ZNF707: variants seen among roughly 807,000 people sequenced by gnomAD.
The protein encoded by ZNF707 is zinc finger protein 707.
In ZNF707, 8 loss-of-function variants were observed where a neutral mutation model predicts 13.3. The observed-to-expected ratio is 0.60, with a 90% CI of 0.35 to 1.09. ZNF707 has a LOEUF of 1.09. Among genes scored for constraint, ZNF707 ranks in the 50% least tolerant of loss-of-function variants. The pLI is 0.02. For missense variants in ZNF707, 530 were observed against 512.6 expected (o/e 1.03, Z -0.33); for synonymous variants, 225 against 205.6 (o/e 1.09, Z -0.81).
rs1554614829 is a variant in ZNF707, at chr8:143,694,513, A to C, written c.1099A>C (p.Arg367=). Residue 367 remains arginine, a synonymous_variant, in exon 6 of 6, where the codon AGG becomes CGG. Transcript: ENST00000358656. The surrounding 1 kb of genome is among the most constrained non-coding windows in gnomAD (Gnocchi z 4.4). ...GFFTRHQRTH[R]HGEV The stretch of plus-strand genomic sequence containing the variant: ...CTTCACGCGGCATCAGAGGACTCAC[A>C]GGCACGGGGAGGTGTAGGGGCGCCC... The C allele has an allele frequency of 6.2e-7, 1 of 1,601,610 alleles. No homozygotes were observed. Among genetic ancestry groups the C allele is most frequent in the Non-Finnish European group, 8.5e-7 (1 of 1,171,478 alleles).
chr8:143,691,137 C>G lies in ZNF707; in HGVS notation c.80C>G (p.Pro27Arg). 1 of 1,613,842 alleles carries G rather than the reference C, an allele frequency of 6.2e-7. No homozygotes were observed. Among genetic ancestry groups the G allele is most frequent in the South Asian group, 1.1e-5 (1 of 91,068 alleles). Residue 27 changes from proline (P) to arginine (R), a missense_variant, in exon 4 of 6, where the codon CCC becomes CGC. By Grantham distance (103) the Pro-to-Arg change is moderately radical. Transcript: ENST00000358656. ...AGGGAGGAGTGGGCGTGTCTGGAAC[C>G]CAGCCAGAGGGCCCTCTACCGGGAC... ...FSREEWACLEPSQRALYRDVM... is the reference protein window; with the variant it reads ...FSREEWACLERSQRALYRDVM...
chr8:143,692,432 A>G (rs1327430060), intron 5 of ZNF707: 2 of 729,424 alleles, frequency 2.7e-6, no homozygotes, highest in African/African-American at 5.0e-5. Flanking sequence ...CCGGCTGGGG[A>G]GGTGTCGGAT....
In ZNF707 at chr8:143,691,124, G is replaced by A. The variant is rs577235223; in HGVS notation, c.67G>A (p.Ala23Thr). The A allele has an allele frequency of 1.2e-6, 2 of 1,613,886 alleles. No homozygotes were observed. The highest frequency in any genetic ancestry group is 1.7e-6 in the Non-Finnish European group (2 of 1,179,866). The change falls in exon 4 of 6, where the codon GCG (alanine) becomes ACG (threonine). Residue 23 changes from alanine (A) to threonine (T), a missense_variant. Physicochemically the swap from Ala to Thr is moderately conservative, Grantham distance 58 (BLOSUM62 0). Coordinates refer to ENST00000358656, the MANE Select transcript of ZNF707 (RefSeq NM_001100598.2). The stretch of plus-strand genomic sequence containing the variant: ...CATCTACTTCTCAAGGGAGGAGTGG[G>A]CGTGTCTGGAACCCAGCCAGAGGGC... ...VAIYFSREEW[A>T]CLEPSQRALY...
Position 143,691,145 on chromosome 8 carries a change from A to T in ZNF707, c.88A>T (p.Arg30Trp), listed in dbSNP as rs1364490823. 2.5e-6 allele frequency: 4 copies of T among 1,613,734 alleles called. No homozygotes were observed. In the East Asian group the frequency reaches 6.7e-5, roughly 27 times the overall value. The change falls in exon 4 of 6, where the codon AGG becomes TGG. Residue 30 changes from arginine to tryptophan, a missense_variant. By Grantham distance (101) the Arg-to-Trp change is moderately radical. Transcript: ENST00000358656. Reference sequence around the variant, plus strand: ...GTGGGCGTGTCTGGAACCCAGCCAGAGGGCCCTCTACCGGGACGTGATGCT... The same window carrying T: ...GTGGGCGTGTCTGGAACCCAGCCAGTGGGCCCTCTACCGGGACGTGATGCT... ...EEWACLEPSQ[R>W]ALYRDVMLDN...
At chr8:143,692,372 G>T (rs1279693461) in intron 5 of ZNF707, 2 of 1,274,392 alleles carry the variant, frequency 1.6e-6, no homozygotes, top group East Asian at 1.1e-4. Flanking sequence ...GTCCCTGGGT[G>T]TGTGGAGCCC....
chr8:143,686,675 A>T (rs374346134), intron 1 of ZNF707, among the ~76,000 whole-genome samples: 121 of 151,938 alleles, frequency 8.0e-4, no homozygotes, highest in African/African-American at 2.8e-3. Context: ...TTAGAAAAAA[A>T]AATTTAAACA....
At chr8:143,686,734 G>A (rs1326984966) in intron 1 of ZNF707, among the ~76,000 whole-genome samples, 3 of 149,464 alleles carry the variant, frequency 2.0e-5, no homozygotes, top group Non-Finnish European at 4.5e-5. Flanking sequence ...TCAAACTCCT[G>A]GCCTCAAGCA....
chr8:143,694,382 A>C lies in ZNF707; in HGVS notation c.968A>C (p.Lys323Thr). The C allele has an allele frequency of 6.2e-7, 1 of 1,612,330 alleles. No individual in the cohort carries two copies. The highest frequency in any genetic ancestry group is 8.5e-7 in the Non-Finnish European group (1 of 1,179,534). ...CCCTACACCTGTGCCGAGTGCGGCAAGTCCTTCCGGTGGCCCAAGGGCTTC... is the reference window on the plus strand; with the variant it reads ...CCCTACACCTGTGCCGAGTGCGGCACGTCCTTCCGGTGGCCCAAGGGCTTC... Reference protein sequence around the residue: ...EKPYTCAECGKSFRWPKGFSI... With the variant: ...EKPYTCAECGTSFRWPKGFSI... The change falls in exon 6 of 6, where the codon AAG becomes ACG. Residue 323 changes from lysine to threonine, a missense_variant. Transcript: ENST00000358656. This position sits in a 1 kb window ranked among gnomAD's most constrained non-coding sequence, Gnocchi z 4.4.
At position 143,691,415 on chromosome 8, in the gene ZNF707, AGGGCCTTCCGT is replaced by A. The variant is rs1816801199; in HGVS notation, c.143-177_143-167del. 4.7e-6 allele frequency: 5 copies of A among 1,064,976 alleles called. No individual in the cohort carries two copies. In the African/African-American group the frequency reaches 6.4e-5, roughly 14 times the overall value. The allele number at this position is 1,064,976 out of a possible 1,614,324, so 66.0% of individuals were successfully genotyped here. A position where few individuals can be genotyped will look rare whatever the true frequency, so the allele number is the denominator to read the frequency against. ...TCATCTTCCTTCCTCTGACCTTGCC[AGGGCCTTCCGT>A]GGGCCTTGGTGTCCAGGCCCCTCCC... On this transcript the variant is annotated intron_variant, in intron 4 of 5. Coordinates refer to ENST00000358656, the MANE Select transcript of ZNF707 (RefSeq NM_001100598.2).
At chr8:143,687,970 C>CTTTTTTTTTTTTT (rs60362242) in intron 1 of ZNF707, 1 of 98,010 alleles carries the variant, frequency 1.0e-5, no homozygotes, top group Non-Finnish European at 2.3e-5. Context: ...ATATCATTTT[C>CTTTTTTTTTTTTT]TTTTTTTTTT....
chr8:143,694,719 G>T lies in ZNF707; in HGVS notation c.*189G>T. The T allele has an allele frequency of 1.5e-6, 1 of 646,660 alleles. No individual in the cohort carries two copies. The highest frequency in any genetic ancestry group is 2.9e-5 in the East Asian group (1 of 34,148). The allele number at this position is 646,660 out of a possible 1,614,324, so 40.1% of individuals were successfully genotyped here. A position where few individuals can be genotyped will look rare whatever the true frequency, so the allele number is the denominator to read the frequency against. ...TGCCAGGTGGGAGAAGCAGAGCCAT[G>T]GGTACGCCGGAGATGGCGGGGGCTC... On this transcript the variant is annotated 3_prime_UTR_variant, in exon 6 of 6. Coordinates refer to ENST00000358656, the MANE Select transcript of ZNF707 (RefSeq NM_001100598.2). The surrounding 1 kb of genome is among the most constrained non-coding windows in gnomAD (Gnocchi z 4.4).
At position 143,691,692 on chromosome 8, in the gene ZNF707, G is replaced by A. The variant is rs1816823710; in HGVS notation, c.235G>A (p.Val79Met). 5.6e-6 allele frequency: 9 copies of A among 1,599,244 alleles called. No homozygotes were observed. The highest frequency in any genetic ancestry group is 7.7e-6 in the Non-Finnish European group (9 of 1,173,610). Residue 79 changes from valine (V) to methionine (M), a missense_variant, in exon 5 of 6, where the codon GTG (valine) becomes ATG (methionine). Val to Met is a conservative substitution (Grantham distance 21). Transcript: ENST00000358656. ...EDRERPEFQA[V>M]QRGPRPGARK... The stretch of plus-strand genomic sequence containing the variant: ...CCGGGAGAGACCTGAGTTCCAGGCA[G>A]TGCAGAGGGGACCCCGGCCAGGTGA...
In ZNF707 at chr8:143,694,777, G is replaced by A. The variant is rs1459838180; in HGVS notation, c.*247G>A. 5 of 497,266 alleles carry A rather than the reference G, an allele frequency of 1.0e-5. No homozygotes were observed. The highest frequency in any genetic ancestry group is 6.5e-5 in the East Asian group (2 of 30,878). 30.8% of individuals were successfully genotyped at this position (497,266 alleles called of 1,614,324 possible). A position where few individuals can be genotyped will look rare whatever the true frequency, so the allele number is the denominator to read the frequency against. Reference sequence around the variant, plus strand: ...GGCGGGGGCTGCGCCCCGGCGCCGGGCATCCTGGGGATGTGCTGAGAGTGT... The same window carrying A: ...GGCGGGGGCTGCGCCCCGGCGCCGGACATCCTGGGGATGTGCTGAGAGTGT... On this transcript the variant is annotated 3_prime_UTR_variant, in exon 6 of 6. Coordinates refer to ENST00000358656, the MANE Select transcript of ZNF707 (RefSeq NM_001100598.2). This position sits in a 1 kb window ranked among gnomAD's most constrained non-coding sequence, Gnocchi z 4.4.
Position 143,693,444 on chromosome 8 carries a change from C to T in ZNF707, c.257-227C>T, listed in dbSNP as rs1291853446. On this transcript the variant is annotated intron_variant, in intron 5 of 5. Transcript: ENST00000358656. The surrounding 1 kb of genome is among the most constrained non-coding windows in gnomAD (Gnocchi z 4.1). ...CTGGGACCACAGGCGCCCGCCACTG[C>T]GCCCGGCTAATTTTTTGTATTTTTT... Among the ~76,000 whole-genome samples the T allele has an allele frequency of 8.4e-5, 12 of 142,136 alleles. 1 individual carries two copies. Among genetic ancestry groups the T allele is most frequent in the South Asian group, 6.8e-4 (3 of 4,380 alleles). 93.2% of individuals were successfully genotyped at this position (142,136 alleles called of 152,430 possible).
At chr8:143,688,444 G>T (rs1315652355) in intron 1 of ZNF707, among the ~76,000 whole-genome samples, 1 of 152,034 alleles carries the variant, frequency 6.6e-6, no homozygotes, top group Non-Finnish European at 1.5e-5. Context: ...TGAGTGTTGA[G>T]TGCAGGTGGT....
chr8:143,689,956 C>T (rs1011000416), intron 2 of ZNF707, 101 bp from the exon 3 acceptor site: 48 of 915,724 alleles, frequency 5.2e-5, no homozygotes, highest in Non-Finnish European at 7.8e-5. Flanking sequence ...ACTCATTTTT[C>T]CTGAATTCCC....
At chr8:143,692,141 C>G (rs188816409) in intron 5 of ZNF707, 9 of 1,303,502 alleles carry the variant, frequency 6.9e-6, no homozygotes, top group Middle Eastern at 4.2e-4. Flanking sequence ...TGCTCCACGT[C>G]CTTGTTTGCA....
intron 1 of ZNF707, among the ~76,000 whole-genome samples, chr8:143,688,392 C>T (rs1163347779): frequency 1.4e-4 from 21 of 151,952 alleles, no homozygotes; most frequent in Admixed American, 1.3e-3. Context: ...GTGGGAGGGA[C>T]GAGGGGTCAG....
intron 5 of ZNF707, chr8:143,692,252 T>A (rs1366026318): frequency 1.4e-5 from 18 of 1,289,946 alleles, no homozygotes; most frequent in Non-Finnish European, 1.8e-5. Flanking sequence ...CAGAGTGGGA[T>A]GGAGCAGCTA....
Sources: gnomAD v4.1 joint callset for allele counts (sites outside exome capture counted in the v4.1 genomes callset) on GRCh38, gnomAD v4.1.1 for gene constraint, Gnocchi (gnomAD v3.1) non-coding constraint, MANE v1.5 for transcripts, NCBI Gene and HGNC (gene_info 2026-07-23, HGNC 2026-07-21) for gene names.